The following CES5A variants were observed in gnomAD, a reference collection of about 807,000 sequenced individuals.
CES5A encodes carboxylesterase 5A.
In CES5A, 67 loss-of-function variants were observed where a neutral mutation model predicts 62.9. The observed-to-expected ratio is 1.07, with a 90% CI of 0.88 to 1.31. The LOEUF (loss-of-function observed/expected upper bound fraction) is 1.31, where lower values mean the gene tolerates loss of function less well. Among genes scored for constraint, CES5A ranks in the 50% most tolerant of loss-of-function variants. The pLI is 0.00. For synonymous variants in CES5A, 296 were observed against 280.8 expected (o/e 1.05, Z -0.54); for missense variants, 748 against 708.5 (o/e 1.06, Z -0.63).
chr16:55,910,751 G>A (rs550945549), intron 1 of CES5A, among the ~76,000 whole-genome samples: 63 of 152,336 alleles, frequency 4.1e-4, no homozygotes, highest in African/African-American at 1.3e-3. Flanking sequence ...CATGGCTGAT[G>A]CTGCAGGAGC....
intron 1 of CES5A, among the ~76,000 whole-genome samples, chr16:55,918,705 G>C (rs2034171798): frequency 6.6e-6 from 1 of 152,108 alleles, no homozygotes; most frequent in Admixed American, 6.5e-5. Context: ...TGGTAAGAAG[G>C]GGATCTGAAA....
intron 10 of CES5A, among the ~76,000 whole-genome samples, chr16:55,851,209 A>ATTCTT (rs2033125841): frequency 6.6e-6 from 1 of 152,228 alleles, no homozygotes; most frequent in East Asian, 1.9e-4. Context: ...GCAACCCGGC[A>ATTCTT]ACCCACAGAA....
rs985704618 is a variant in CES5A at position 55,942,677 on chromosome 16, C to T, written c.160+7108G>A. ...TATTGTATGCTTCAACATTCCACTC[C>T]TATTTCAACAGAAATGGGTTCATAT... On this transcript the variant is annotated intron_variant, in intron 2 of 13. Transcript: ENST00000521992. Among the ~76,000 whole-genome samples, 4 of 152,340 alleles carry T rather than the reference C, an allele frequency of 2.6e-5. No homozygotes were observed. In the East Asian group the frequency reaches 7.7e-4, roughly 29 times the overall value.
In CES5A at chr16:55,875,363, A is replaced by C. The variant is rs2033677122; in HGVS notation, c.-142T>G. ...GGCAGCAGAGTTACTGAAGATCAGCATCAGAACAATATTCTCAAAGGAATT... is the reference window on the plus strand; with the variant it reads ...GGCAGCAGAGTTACTGAAGATCAGCCTCAGAACAATATTCTCAAAGGAATT... On this transcript the variant is annotated 5_prime_UTR_variant, in exon 1 of 13. An upstream start codon of the reference 5' UTR is lost. Coordinates refer to ENST00000290567, the MANE Select transcript of CES5A (RefSeq NM_001143685.2). 1 of 1,448,890 alleles carries C rather than the reference A, an allele frequency of 6.9e-7. No individual in the cohort carries two copies. Among genetic ancestry groups the C allele is most frequent in the Non-Finnish European group, 9.0e-7 (1 of 1,105,192 alleles). The allele number at this position is 1,448,890 out of a possible 1,614,324, so 89.8% of individuals were successfully genotyped here. A position where few individuals can be genotyped will look rare whatever the true frequency, so the allele number is the denominator to read the frequency against.
chr16:55,873,688 C>T (rs6416763), intron 2 of CES5A, 145 bp downstream of exon 2: 175,537 of 729,528 alleles, frequency 0.24, 23,754 homozygotes, highest in Non-Finnish European at 0.29. Flanking sequence ...AGGGGATTAC[C>T]AAACCACTCG....
intron 1 of CES5A, among the ~76,000 whole-genome samples, chr16:55,885,762 A>G (rs1408212319): frequency 6.6e-6 from 1 of 152,138 alleles, no homozygotes; most frequent in Non-Finnish European, 1.5e-5. Flanking sequence ...CCCTGGTTCA[A>G]TGATTGGAAG....
At chr16:55,871,914 C>A in intron 2 of CES5A, 151 bp from the exon 3 acceptor site, 5 of 700,034 alleles carry the variant, frequency 7.1e-6, no homozygotes, top group East Asian at 5.6e-5. Flanking sequence ...CATGCCCAAA[C>A]CCCCATGGTT....
At chr16:55,928,100 G>C (rs942695483), upstream of CES5A, among the ~76,000 whole-genome samples, 4 of 152,232 alleles carry the variant, frequency 2.6e-5, no homozygotes, top group East Asian at 3.9e-4. Flanking sequence ...AAAATTAGCT[G>C]GGCGTGGTGG....
chr16:55,936,773 C>A (rs2034380605), intron 2 of CES5A, among the ~76,000 whole-genome samples: 1 of 152,152 alleles, frequency 6.6e-6, no homozygotes, highest in African/African-American at 2.4e-5. Context: ...AGTTGAGGAG[C>A]ACTTCAATGA....
chr16:55,889,789 C>T lies in CES5A; in HGVS notation c.-255-15752G>A, dbSNP rs1004942761. 3.3e-5 allele frequency among the ~76,000 whole-genome samples: 5 copies of T among 152,190 alleles called. No homozygotes were observed. In the East Asian group the frequency reaches 7.7e-4, roughly 23 times the overall value. On this transcript the variant is annotated intron_variant, in intron 1 of 12. Transcript: ENST00000518005. ...CATGGTTGGTTCCCTTGGTGACCAG[C>T]TCCCATCCTCTGGCTATCTGGGAGC...
At chr16:55,909,913 T>G (rs1398640416) in intron 1 of CES5A, among the ~76,000 whole-genome samples, 2 of 152,100 alleles carry the variant, frequency 1.3e-5, no homozygotes, top group Admixed American at 6.5e-5. Flanking sequence ...ATGGTGTGAG[T>G]GCTTACTGTC....
In CES5A at chr16:55,874,051, T is replaced by C. The variant is rs544508039; in HGVS notation, c.74-14A>G. ...CAGCAGAAGGCCCTGCGGGAACACA[T>C]GGGAGGAATCAGGAGCAGGCTGGGG... On this transcript the variant is annotated splice_polypyrimidine_tract_variant and intron_variant, in intron 1 of 12. Coordinates refer to ENST00000290567, the MANE Select transcript of CES5A (RefSeq NM_001143685.2). 3.8e-6 allele frequency: 6 copies of C among 1,588,068 alleles called. No homozygotes were observed. The African/African-American group carries it at 6.7e-5, about 18-fold the overall frequency.
intron 2 of CES5A, among the ~76,000 whole-genome samples, chr16:55,948,380 G>A (rs928479673): frequency 6.6e-6 from 1 of 152,110 alleles, no homozygotes; most frequent in Non-Finnish European, 1.5e-5. Context: ...TCCGTCTCAC[G>A]CTCAGTTAAT....
chr16:55,897,552 A>G (rs1437358449), intron 1 of CES5A, among the ~76,000 whole-genome samples: 2 of 152,184 alleles, frequency 1.3e-5, no homozygotes, highest in Non-Finnish European at 2.9e-5. Context: ...ATGACCAGGC[A>G]AGAGCCTGGA....
At chr16:55,916,724 C>T (rs2034151841) in intron 1 of CES5A, among the ~76,000 whole-genome samples, 1 of 152,156 alleles carries the variant, frequency 6.6e-6, no homozygotes, top group Non-Finnish European at 1.5e-5. Context: ...GTAAACACAG[C>T]TTTAGTGGAA....
chr16:55,877,799 A>C (rs531189735), upstream of CES5A, among the ~76,000 whole-genome samples: 7 of 152,288 alleles, frequency 4.6e-5, no homozygotes, highest in East Asian at 1.4e-3. Context: ...ATATTTTGCA[A>C]GGTAGGATTA....
chr16:55,909,606 G>A (rs1279669691), intron 1 of CES5A, among the ~76,000 whole-genome samples: 3 of 129,356 alleles, frequency 2.3e-5, no homozygotes, highest in African/African-American at 7.6e-5. Flanking sequence ...ATGTCTGGAG[G>A]CAGAGGAACC....
chr16:55,870,235 T>C (rs1377384976), intron 3 of CES5A, among the ~76,000 whole-genome samples: 2 of 150,270 alleles, frequency 1.3e-5, no homozygotes, highest in African/African-American at 4.9e-5. Flanking sequence ...AAAAGCTCTC[T>C]ACCTTCAGAA....
At chr16:55,883,728 T>C (rs1450918031) in intron 1 of CES5A, among the ~76,000 whole-genome samples, 1 of 152,238 alleles carries the variant, frequency 6.6e-6, no homozygotes, top group Non-Finnish European at 1.5e-5. Context: ...GCTTCCCCAA[T>C]GTGATAGCTC....
Sources: allele counts gnomAD v4.1 joint callset (sites outside exome capture counted in the v4.1 genomes callset), GRCh38; gene constraint gnomAD v4.1.1; transcripts MANE v1.5; gene names NCBI Gene and HGNC (gene_info 2026-07-23, HGNC 2026-07-21).